The following LOC122539214 variants were observed in gnomAD, a reference collection of about 807,000 sequenced individuals.
the LOC122539214 span, chr19:52,654,351 T>G: frequency 3.0e-6 from 4 of 1,327,272 alleles, no homozygotes; most frequent in Admixed American, 2.1e-5. Flanking sequence ...TCACTTCTCC[T>G]GTATTACCGT....
the LOC122539214 span, among the ~76,000 whole-genome samples, chr19:52,659,613 C>T: frequency 8.7e-6 from 1 of 114,292 alleles, no homozygotes; most frequent in Non-Finnish European, 1.8e-5. Context: ...GACTCCAACT[C>T]AAAAAAAAAA....
At chr19:52,676,825 AC>A in the LOC122539214 span, among the ~76,000 whole-genome samples, 270 of 131,642 alleles carry the variant, frequency 2.1e-3, 2 homozygotes, top group African/African-American at 7.9e-3. Context: ...CTGTGACCTT[AC>A]CCCCAACCCG....
At chr19:52,668,386 T>C in the LOC122539214 span, among the ~76,000 whole-genome samples, 420 of 152,264 alleles carry the variant, frequency 2.8e-3, 3 homozygotes, top group Non-Finnish European at 4.0e-3. Flanking sequence ...GCTTAGTCTA[T>C]CTATCTTTTC....
At chr19:52,651,479 T>C in the LOC122539214 span, 2 of 152,118 alleles carry the variant, frequency 1.3e-5, no homozygotes, top group Non-Finnish European at 2.9e-5. Context: ...GGGAAAGCTG[T>C]AGAACAAGTA....
the LOC122539214 span, among the ~76,000 whole-genome samples, chr19:52,688,559 T>TC: frequency 1.3e-5 from 2 of 151,862 alleles, no homozygotes; most frequent in South Asian, 2.1e-4. Flanking sequence ...TGTTTTATTT[T>TC]CCCCCGGGGT....
At chr19:52,687,616 G>GTGTATA in the LOC122539214 span, among the ~76,000 whole-genome samples, 2 of 15,822 alleles carry the variant, frequency 1.3e-4, no homozygotes, top group Admixed American at 6.9e-4. Flanking sequence ...TATATAATGT[G>GTGTATA]TATATATATA....
chr19:52,664,081 A>C, the LOC122539214 span, among the ~76,000 whole-genome samples: 2 of 152,032 alleles, frequency 1.3e-5, no homozygotes, highest in African/African-American at 4.8e-5. Flanking sequence ...ATGAGGATTC[A>C]CCATGTTGGC....
At chr19:52,675,566 G>C in the LOC122539214 span, among the ~76,000 whole-genome samples, 2 of 152,062 alleles carry the variant, frequency 1.3e-5, no homozygotes, top group East Asian at 1.9e-4. Context: ...ACAAGGTCTT[G>C]ACTTACTCAG....
At chr19:52,662,003 G>A in the LOC122539214 span, among the ~76,000 whole-genome samples, 2 of 152,094 alleles carry the variant, frequency 1.3e-5, no homozygotes, top group African/African-American at 2.4e-5. Context: ...TGCGTGGCTG[G>A]AGCAGAGGGA....
chr19:52,675,951 G>A, the LOC122539214 span, among the ~76,000 whole-genome samples: 2 of 152,182 alleles, frequency 1.3e-5, no homozygotes, highest in South Asian at 4.1e-4. Context: ...CACCACTTTG[G>A]GAGGCCGATG....
At chr19:52,684,994 G>A in the LOC122539214 span, among the ~76,000 whole-genome samples, 1 of 152,304 alleles carries the variant, frequency 6.6e-6, no homozygotes, top group Middle Eastern at 3.4e-3. Context: ...TGGCTGTGAT[G>A]TCCTCATACA....
At chr19:52,670,552 A>G in the LOC122539214 span, among the ~76,000 whole-genome samples, 1 of 152,234 alleles carries the variant, frequency 6.6e-6, no homozygotes, top group Middle Eastern at 3.2e-3. Context: ...TTTATTTACA[A>G]CACACTTAAA....
chr19:52,690,081 G>A, the LOC122539214 span, among the ~76,000 whole-genome samples: 2 of 152,086 alleles, frequency 1.3e-5, no homozygotes, highest in Admixed American at 6.6e-5. Context: ...CGCTTCAGAG[G>A]CCGACAAGGG....
chr19:52,661,762 A>G, the LOC122539214 span, among the ~76,000 whole-genome samples: 1 of 152,148 alleles, frequency 6.6e-6, no homozygotes, highest in Non-Finnish European at 1.5e-5. Context: ...ATCACACAGA[A>G]CAGGTAACAT....
the LOC122539214 span, among the ~76,000 whole-genome samples, chr19:52,657,434 A>G: frequency 6.6e-6 from 1 of 151,634 alleles, no homozygotes; most frequent in South Asian, 2.1e-4. Context: ...ATATGGTGAA[A>G]CTTTGTCTCT....
the LOC122539214 span, among the ~76,000 whole-genome samples, chr19:52,663,888 AC>A: frequency 6.6e-6 from 1 of 152,202 alleles, no homozygotes; most frequent in African/African-American, 2.4e-5. Flanking sequence ...TATTTATTTT[AC>A]TTTATTTTAT....
At chr19:52,665,982 C>A in the LOC122539214 span, among the ~76,000 whole-genome samples, 24 of 149,194 alleles carry the variant, frequency 1.6e-4, no homozygotes, top group African/African-American at 6.1e-4. Context: ...AACAGTGAAA[C>A]CCCGTCTCTA....
At chr19:52,666,309 T>C in the LOC122539214 span, among the ~76,000 whole-genome samples, 10 of 152,168 alleles carry the variant, frequency 6.6e-5, no homozygotes, top group African/African-American at 2.4e-4. Context: ...GAAAACAGTA[T>C]ACCCTATTCC....
chr19:52,666,493 C>T, the LOC122539214 span, among the ~76,000 whole-genome samples: 1 of 151,904 alleles, frequency 6.6e-6, no homozygotes, highest in Non-Finnish European at 1.5e-5. Context: ...CCCAGTAAAC[C>T]GCGGATGGCC....
Sources: allele counts gnomAD v4.1 joint callset (sites outside exome capture counted in the v4.1 genomes callset), GRCh38; gene constraint gnomAD v4.1.1; transcripts MANE v1.5.